Variants in ITFG1 observed in about 807,000 individuals in gnomAD.
ITFG1 encodes integrin alpha FG-GAP repeat containing 1.
A neutral mutation model predicts 81.8 loss-of-function variants in ITFG1; 34 were observed. The observed-to-expected ratio is 0.42, with a 90% CI of 0.32 to 0.55. The LOEUF is 0.55. Among genes scored for constraint, ITFG1 ranks in the 20% least tolerant of loss-of-function variants. The pLI, the probability that ITFG1 is intolerant of heterozygous loss-of-function variation, is 0.17. For missense variants in ITFG1, 672 were observed against 755.4 expected (o/e 0.89, Z 1.29); for synonymous variants, 285 against 270.6 (o/e 1.05, Z -0.52).
chr16:47,219,110 C>G (rs1272039379), intron 13 of ITFG1, among the ~76,000 whole-genome samples, 164 bp from the exon 14 acceptor site: 1 of 152,050 alleles, frequency 6.6e-6, no homozygotes, highest in Non-Finnish European at 1.5e-5. Context: ...TTCCTAGGAT[C>G]TTAGTGTTAA....
At chr16:47,201,207 ATTTT>A (rs765492131) in intron 14 of ITFG1, among the ~76,000 whole-genome samples, 4 of 139,786 alleles carry the variant, frequency 2.9e-5, no homozygotes, top group Non-Finnish European at 1.6e-5. Context: ...ATTTAGGAGA[ATTTT>A]TTTTTTTTTT....
chr16:47,411,212 G>A (rs890590270), intron 6 of ITFG1, among the ~76,000 whole-genome samples: 1 of 152,182 alleles, frequency 6.6e-6, no homozygotes, highest in Admixed American at 6.5e-5. Context: ...ATGAGACACA[G>A]ATTTGTGGAC....
chr16:47,215,157 T>C (rs1965610606), intron 14 of ITFG1, among the ~76,000 whole-genome samples: 1 of 152,140 alleles, frequency 6.6e-6, no homozygotes, highest in African/African-American at 2.4e-5. Flanking sequence ...AAGGCTGTAG[T>C]TTCCGAAATA....
chr16:47,323,680 G>A (rs560217141), intron 8 of ITFG1, among the ~76,000 whole-genome samples: 2 of 151,876 alleles, frequency 1.3e-5, no homozygotes, highest in African/African-American at 2.4e-5. Flanking sequence ...TTCCTGTTCT[G>A]AGATTCCCCT....
intron 17 of ITFG1, 22 bp downstream of exon 17, chr16:47,158,851 T>C (rs759054388): frequency 1.5e-6 from 2 of 1,295,008 alleles, no homozygotes; most frequent in Admixed American, 3.8e-5. Flanking sequence ...CCAAAATTAA[T>C]GCTTCCTTTA....
intron 6 of ITFG1, among the ~76,000 whole-genome samples, chr16:47,379,098 T>A (rs1004056536): frequency 4.6e-5 from 7 of 152,156 alleles, no homozygotes; most frequent in African/African-American, 1.2e-4. Flanking sequence ...CATCCCTTTC[T>A]GGACTAGTCT....
chr16:47,428,669 CACTG>C, intron 6 of ITFG1, 131 bp downstream of exon 6: 1 of 654,286 alleles, frequency 1.5e-6, no homozygotes, highest in Non-Finnish European at 2.7e-6. Flanking sequence ...GTTTCCAAAT[CACTG>C]ACTTTCTAAC....
At position 47,176,956 on chromosome 16, in the gene ITFG1, T is replaced by C. The variant is rs553960440; in HGVS notation, c.1454-14292A>G. On this transcript the variant is annotated intron_variant, in intron 14 of 17. Transcript: ENST00000320640. ...GTTTCTCATACATCTTCTTCTTCTT[T>C]TTTTTTTTTTTTTTTAAACAGAGAT... 9.8e-3 allele frequency among the ~76,000 whole-genome samples: 1,462 copies of C among 149,554 alleles called. 21 individuals carry two copies. Among genetic ancestry groups the C allele is most frequent in the African/African-American group, 0.033 (1,351 of 40,944 alleles).
intron 8 of ITFG1, among the ~76,000 whole-genome samples, chr16:47,329,441 TAAGTTC>T (rs1218050927): frequency 6.6e-6 from 1 of 152,176 alleles, no homozygotes; most frequent in Non-Finnish European, 1.5e-5. Flanking sequence ...AGCATGGGCT[TAAGTTC>T]ATCACAAGGA....
chr16:47,245,401 T>C (rs1199155775), intron 12 of ITFG1, among the ~76,000 whole-genome samples: 1 of 152,112 alleles, frequency 6.6e-6, no homozygotes, highest in Non-Finnish European at 1.5e-5. Context: ...ATTGTGTAAT[T>C]CCCCCACACT....
intron 14 of ITFG1, among the ~76,000 whole-genome samples, chr16:47,192,507 T>C (rs924777063): frequency 1.3e-5 from 2 of 152,194 alleles, no homozygotes; most frequent in African/African-American, 2.4e-5. Context: ...TATTATTATA[T>C]AGCAGACTGA....
intron 10 of ITFG1, among the ~76,000 whole-genome samples, chr16:47,270,903 G>A (rs1382330676): frequency 6.6e-6 from 1 of 152,150 alleles, no homozygotes; most frequent in African/African-American, 2.4e-5. Context: ...CTGTGGGATG[G>A]GGAAAGTGCT....
chr16:47,189,218 T>C (rs1965263029), intron 14 of ITFG1, among the ~76,000 whole-genome samples: 1 of 152,228 alleles, frequency 6.6e-6, no homozygotes, highest in African/African-American at 2.4e-5. Flanking sequence ...TAAATTGGTA[T>C]ATAATTCACA....
intron 14 of ITFG1, among the ~76,000 whole-genome samples, chr16:47,190,836 G>C (rs1185764565): frequency 6.6e-6 from 1 of 152,176 alleles, no homozygotes; most frequent in Non-Finnish European, 1.5e-5. Flanking sequence ...TGCTGGTTTT[G>C]ACTAAGTTAT....
At chr16:47,186,878 A>G (rs1215511715) in intron 14 of ITFG1, among the ~76,000 whole-genome samples, 1 of 152,178 alleles carries the variant, frequency 6.6e-6, no homozygotes, top group Admixed American at 6.5e-5. Context: ...TCTCAGCCCA[A>G]AATCTCCTTA....
chr16:47,362,616 A>G (rs1164004995), intron 8 of ITFG1, among the ~76,000 whole-genome samples: 3 of 152,148 alleles, frequency 2.0e-5, no homozygotes, highest in East Asian at 3.9e-4. Flanking sequence ...GTCACTAACC[A>G]AACCATTTTT....
chr16:47,173,850 G>A (rs1964990279), intron 14 of ITFG1, among the ~76,000 whole-genome samples: 1 of 152,194 alleles, frequency 6.6e-6, no homozygotes, highest in African/African-American at 2.4e-5. Flanking sequence ...AGACCAGCCT[G>A]ACCAACATGG....
intron 8 of ITFG1, among the ~76,000 whole-genome samples, chr16:47,358,284 T>G (rs1438870490): frequency 6.6e-6 from 1 of 152,214 alleles, no homozygotes; most frequent in Non-Finnish European, 1.5e-5. Flanking sequence ...GAGGGAGAAC[T>G]GTTTTAACTG....
intron 14 of ITFG1, among the ~76,000 whole-genome samples, chr16:47,204,862 T>A (rs1320106067): frequency 6.6e-6 from 1 of 152,236 alleles, no homozygotes; most frequent in Non-Finnish European, 1.5e-5. Flanking sequence ...AAACTGTCTT[T>A]GTTAGAAAGG....
Sources: allele counts gnomAD v4.1 joint callset (sites outside exome capture counted in the v4.1 genomes callset), GRCh38; gene constraint gnomAD v4.1.1; transcripts MANE v1.5; gene names NCBI Gene and HGNC (gene_info 2026-07-23, HGNC 2026-07-21).